The following GALNTL6 variants were observed in gnomAD, a reference collection of about 807,000 sequenced individuals.
The protein encoded by GALNTL6 is polypeptide N-acetylgalactosaminyltransferase-like 6.
In GALNTL6, 46 loss-of-function variants were observed where a neutral mutation model predicts 73.7. That is an observed-to-expected ratio of 0.62 (90% CI 0.49 to 0.80). The LOEUF (loss-of-function observed/expected upper bound fraction) is 0.80, where lower values mean the gene tolerates loss of function less well. Among genes scored for constraint, GALNTL6 ranks in the 30% least tolerant of loss-of-function variants. The probability of loss-of-function intolerance (pLI) is 0.00; values close to 1 mark genes in which losing one functional copy is unlikely to be tolerated. For synonymous variants in GALNTL6, 259 were observed against 263.7 expected, an observed-to-expected ratio of 0.98 and a Z score of 0.17; for missense variants, 604 against 755.0, an observed-to-expected ratio of 0.80 and a Z score of 2.34.
At chr4:172,761,662 G>GCTCTTGCTCTCTCTCTCT (rs1738102668) in intron 5 of GALNTL6, among the ~76,000 whole-genome samples, 1 of 41,024 alleles carries the variant, frequency 2.4e-5, no homozygotes, top group Non-Finnish European at 4.8e-5. Context: ...CTTCGCCCTT[G>GCTCTTGCTCTCTCTCTCT]CTCTCTTTCT....
At chr4:172,107,434 T>C (rs1178099876) in intron 2 of GALNTL6, among the ~76,000 whole-genome samples, 2 of 152,032 alleles carry the variant, frequency 1.3e-5, no homozygotes, top group East Asian at 1.9e-4. Context: ...ATTCTGCTTG[T>C]ATCTATAAAA....
chr4:172,875,899 ATAT>A (rs1463353629), intron 7 of GALNTL6, among the ~76,000 whole-genome samples: 3 of 152,156 alleles, frequency 2.0e-5, no homozygotes. Context: ...ACCCACTAAG[ATAT>A]TGTTGATGTA....
chr4:172,239,828 A>C (rs1041576390), intron 3 of GALNTL6, among the ~76,000 whole-genome samples: 1 of 152,148 alleles, frequency 6.6e-6, no homozygotes, highest in African/African-American at 2.4e-5. Flanking sequence ...GGTGAGTTCT[A>C]TAAATATCTG....
intron 10 of GALNTL6, among the ~76,000 whole-genome samples, chr4:172,956,369 A>G (rs1411986930): frequency 6.6e-6 from 1 of 152,202 alleles, no homozygotes; most frequent in Non-Finnish European, 1.5e-5. Context: ...GGAGAAAAAC[A>G]GGTATTAAAG....
At chr4:172,559,341 T>C (rs1473508808) in intron 5 of GALNTL6, among the ~76,000 whole-genome samples, 1 of 151,810 alleles carries the variant, frequency 6.6e-6, no homozygotes, top group Non-Finnish European at 1.5e-5. Flanking sequence ...TGGGATTAGA[T>C]GATGGATTTA....
At chr4:172,444,662 A>G (rs1307121521) in intron 5 of GALNTL6, among the ~76,000 whole-genome samples, 2 of 152,180 alleles carry the variant, frequency 1.3e-5, no homozygotes, top group Admixed American at 6.6e-5. Flanking sequence ...CCATTATGAA[A>G]AAAATTTGTT....
chr4:172,765,272 T>G (rs1465333525), intron 5 of GALNTL6, among the ~76,000 whole-genome samples: 2 of 152,174 alleles, frequency 1.3e-5, no homozygotes, highest in Non-Finnish European at 1.5e-5. Context: ...TCCCAAAATA[T>G]AAAATGAGAA....
At chr4:172,558,976 A>C (rs957769147) in intron 5 of GALNTL6, among the ~76,000 whole-genome samples, 3 of 150,480 alleles carry the variant, frequency 2.0e-5, no homozygotes, top group African/African-American at 7.3e-5. Context: ...AAATCAAACA[A>C]ATTGTTTGAG....
intron 7 of GALNTL6, among the ~76,000 whole-genome samples, chr4:172,829,060 G>A (rs1027941200): frequency 2.6e-5 from 4 of 152,172 alleles, no homozygotes; most frequent in African/African-American, 4.8e-5. Flanking sequence ...TGGAAGCATC[G>A]CTCTGGTGTA....
intron 5 of GALNTL6, among the ~76,000 whole-genome samples, chr4:172,430,766 C>T (rs1183076873): frequency 6.6e-6 from 1 of 152,110 alleles, no homozygotes; most frequent in Non-Finnish European, 1.5e-5. Context: ...GATCTCACCA[C>T]TGCACTCCAG....
intron 2 of GALNTL6, among the ~76,000 whole-genome samples, chr4:172,041,062 G>T (rs906590236): frequency 3.3e-5 from 5 of 151,992 alleles, no homozygotes; most frequent in Non-Finnish European, 5.9e-5. Flanking sequence ...GGGATGAAAG[G>T]AAAATTGAAG....
At chr4:172,849,274 A>G (rs1743683738) in intron 7 of GALNTL6, among the ~76,000 whole-genome samples, 1 of 152,216 alleles carries the variant, frequency 6.6e-6, no homozygotes, top group Admixed American at 6.6e-5. Flanking sequence ...AAGGGCTCAC[A>G]TTAATTCTCA....
intron 2 of GALNTL6, among the ~76,000 whole-genome samples, chr4:172,001,889 A>G (rs1266330045): frequency 2.6e-5 from 4 of 152,130 alleles, no homozygotes; most frequent in Admixed American, 6.6e-5. Flanking sequence ...CAGACCCATT[A>G]TTAAATTCAT....
intron 5 of GALNTL6, among the ~76,000 whole-genome samples, chr4:172,496,032 A>T (rs1018269353): frequency 6.6e-6 from 1 of 152,218 alleles, no homozygotes; most frequent in Non-Finnish European, 1.5e-5. Flanking sequence ...GCGTTTTTGT[A>T]TGTTATGACA....
intron 10 of GALNTL6, among the ~76,000 whole-genome samples, chr4:172,955,455 TAAAA>T (rs1167387845): frequency 7.2e-6 from 1 of 138,458 alleles, no homozygotes; most frequent in African/African-American, 2.7e-5. Context: ...TGTCTCAAAA[TAAAA>T]AGAAAAAAAA....
At chr4:172,020,512 A>T (rs987996858) in intron 2 of GALNTL6, among the ~76,000 whole-genome samples, 1 of 152,066 alleles carries the variant, frequency 6.6e-6, no homozygotes. Flanking sequence ...TCAAAGGATC[A>T]TTAGTGGCTA....
chr4:172,996,528 C>T (rs1343869443), intron 10 of GALNTL6, among the ~76,000 whole-genome samples: 2 of 152,152 alleles, frequency 1.3e-5, no homozygotes, highest in African/African-American at 4.8e-5. Context: ...ACATGGACCC[C>T]TGAACCTAAA....
chr4:172,631,528 C>G (rs1739396600), intron 5 of GALNTL6, among the ~76,000 whole-genome samples: 1 of 152,186 alleles, frequency 6.6e-6, no homozygotes, highest in African/African-American at 2.4e-5. Context: ...TTCCGACTGT[C>G]AATATCATTA....
chr4:172,131,428 T>TATAC (rs1251830869), intron 2 of GALNTL6, among the ~76,000 whole-genome samples: 37 of 138,966 alleles, frequency 2.7e-4, no homozygotes, highest in African/African-American at 9.7e-4. Context: ...TATATATATA[T>TATAC]ACACACACAC....
Sources: gnomAD v4.1 joint callset for allele counts (sites outside exome capture counted in the v4.1 genomes callset) on GRCh38, gnomAD v4.1.1 for gene constraint, MANE v1.5 for transcripts, NCBI Gene and HGNC (gene_info 2026-07-23, HGNC 2026-07-21) for gene names.